Variants in PDZRN4 observed in about 807,000 individuals in gnomAD.
PDZRN4 encodes PDZ domain containing ring finger 4.
PDZRN4 carries 70 observed loss-of-function variants against 99.0 expected under a neutral mutation model. The observed-to-expected ratio is 0.71, with a 90% CI of 0.58 to 0.86. PDZRN4 has a LOEUF of 0.86. PDZRN4 is among the 40% of genes least tolerant of loss of function. The probability of loss-of-function intolerance (pLI) is 0.00; values close to 1 mark genes in which losing one functional copy is unlikely to be tolerated. For missense variants in PDZRN4, 1,474 were observed against 1,331.2 expected, an observed-to-expected ratio of 1.11 and a Z score of -1.67; for synonymous variants, 551 against 501.6, an observed-to-expected ratio of 1.10 and a Z score of -1.32.
At chr12:41,340,004 A>G (rs547973507) in intron 3 of PDZRN4, among the ~76,000 whole-genome samples, 1 of 152,204 alleles carries the variant, frequency 6.6e-6, no homozygotes, top group Admixed American at 6.6e-5. Context: ...AGCCACTATG[A>G]ATAACCTTAT....
At chr12:41,329,202 A>G (rs1178268260) in intron 3 of PDZRN4, among the ~76,000 whole-genome samples, 2 of 152,088 alleles carry the variant, frequency 1.3e-5, no homozygotes, top group African/African-American at 2.4e-5. Context: ...AGCCTCAGAG[A>G]TGAAAACCTC....
chr12:41,493,819 G>A (rs1937936531), intron 3 of PDZRN4, among the ~76,000 whole-genome samples: 1 of 151,496 alleles, frequency 6.6e-6, no homozygotes, highest in Non-Finnish European at 1.5e-5. Context: ...TTACCTCAAA[G>A]GTGGCCTAGG....
intron 3 of PDZRN4, among the ~76,000 whole-genome samples, chr12:41,354,498 A>AG (rs1313294580): frequency 3.9e-5 from 6 of 152,040 alleles, no homozygotes; most frequent in Non-Finnish European, 8.8e-5. Context: ...GAAAAAAAAA[A>AG]GGACAGAAAC....
intron 3 of PDZRN4, among the ~76,000 whole-genome samples, chr12:41,284,444 T>C (rs1176125488): frequency 6.6e-6 from 1 of 152,170 alleles, no homozygotes; most frequent in East Asian, 1.9e-4. Flanking sequence ...CAAAGTAATT[T>C]TGATGCAATG....
intron 3 of PDZRN4, among the ~76,000 whole-genome samples, chr12:41,244,572 TC>T (rs1951121202): frequency 6.6e-6 from 1 of 151,824 alleles, no homozygotes; most frequent in Non-Finnish European, 1.5e-5. Context: ...CCAGAACACT[TC>T]CTGTTCCTTC....
chr12:41,559,653 C>T (rs995400635), intron 7 of PDZRN4, among the ~76,000 whole-genome samples: 3 of 152,102 alleles, frequency 2.0e-5, no homozygotes, highest in Admixed American at 6.6e-5. Context: ...AGTGAAACAA[C>T]ACGACTTCTA....
intron 3 of PDZRN4, among the ~76,000 whole-genome samples, chr12:41,220,521 T>C (rs968585195): frequency 6.6e-6 from 1 of 152,122 alleles, no homozygotes; most frequent in Non-Finnish European, 1.5e-5. Context: ...CCTCACTACT[T>C]AGAGGAAGGA....
At chr12:41,450,445 A>C (rs767713807) in intron 3 of PDZRN4, among the ~76,000 whole-genome samples, 1 of 152,232 alleles carries the variant, frequency 6.6e-6, no homozygotes, top group Non-Finnish European at 1.5e-5. Flanking sequence ...ACTTAGCTTT[A>C]AACTGTGACC....
At chr12:41,332,892 G>A (rs1227151529) in intron 3 of PDZRN4, among the ~76,000 whole-genome samples, 1 of 152,072 alleles carries the variant, frequency 6.6e-6, no homozygotes, top group Non-Finnish European at 1.5e-5. Context: ...TTCAGTGGGA[G>A]CCAAGTTACT....
intron 3 of PDZRN4, among the ~76,000 whole-genome samples, chr12:41,473,882 T>C (rs1253450358): frequency 1.3e-5 from 2 of 152,222 alleles, no homozygotes; most frequent in African/African-American, 4.8e-5. Context: ...AGTATTGTAA[T>C]TTTTAGGAAA....
intron 5 of PDZRN4, among the ~76,000 whole-genome samples, chr12:41,527,067 G>A (rs952720168): frequency 7.9e-5 from 12 of 152,158 alleles, no homozygotes; most frequent in South Asian, 2.1e-4. Flanking sequence ...TTACACTACC[G>A]TGAGACATTC....
At chr12:41,410,298 C>T (rs1952386386) in intron 3 of PDZRN4, among the ~76,000 whole-genome samples, 3 of 152,126 alleles carry the variant, frequency 2.0e-5, no homozygotes, top group Non-Finnish European at 4.4e-5. Context: ...TTCCTAAAAG[C>T]TTTCATATTC....
chr12:41,216,020 G>A (rs1208526444), intron 3 of PDZRN4, among the ~76,000 whole-genome samples: 1 of 151,702 alleles, frequency 6.6e-6, no homozygotes, highest in Non-Finnish European at 1.5e-5. Context: ...TTACCCCTGT[G>A]GTCCTGTCAA....
intron 3 of PDZRN4, among the ~76,000 whole-genome samples, chr12:41,472,574 TA>T (rs1953003887): frequency 6.6e-6 from 1 of 152,224 alleles, no homozygotes; most frequent in Non-Finnish European, 1.5e-5. Context: ...ATGTTTGATC[TA>T]TGTATATAAT....
chr12:41,454,923 G>A (rs1362622284), intron 3 of PDZRN4, among the ~76,000 whole-genome samples: 1 of 152,204 alleles, frequency 6.6e-6, no homozygotes, highest in Non-Finnish European at 1.5e-5. Context: ...ACATAGGACT[G>A]TTGAACAGTT....
intron 5 of PDZRN4, among the ~76,000 whole-genome samples, chr12:41,545,552 T>TGA (rs1555151803): frequency 3.3e-4 from 47 of 140,714 alleles, no homozygotes; most frequent in African/African-American, 1.1e-3. Context: ...TGTGTGTGTG[T>TGA]GACAATGAGA....
intron 3 of PDZRN4, among the ~76,000 whole-genome samples, chr12:41,276,359 C>G (rs566998454): frequency 1.3e-5 from 2 of 151,834 alleles, no homozygotes; most frequent in Non-Finnish European, 2.9e-5. Flanking sequence ...TTTTAAGAAC[C>G]CTTTTTAGTA....
intron 8 of PDZRN4, among the ~76,000 whole-genome samples, chr12:41,567,345 G>A (rs182350217): frequency 2.6e-5 from 4 of 152,152 alleles, no homozygotes; most frequent in Non-Finnish European, 2.9e-5. Context: ...TAGCACGAGC[G>A]TATGGGGGGA....
At chr12:41,440,416 A>G (rs905474934) in intron 3 of PDZRN4, among the ~76,000 whole-genome samples, 23 of 152,212 alleles carry the variant, frequency 1.5e-4, no homozygotes, top group African/African-American at 4.8e-4. Flanking sequence ...TTCTTTCTAG[A>G]TTTAGTGACC....
Sources: allele counts gnomAD v4.1 joint callset (sites outside exome capture counted in the v4.1 genomes callset), GRCh38; gene constraint gnomAD v4.1.1; transcripts MANE v1.5; gene names NCBI Gene and HGNC (gene_info 2026-07-23, HGNC 2026-07-21).